The following BCL11B variants were observed in gnomAD, a reference collection of about 807,000 sequenced individuals.
BCL11B encodes BCL11 transcription factor B, also known as B-cell lymphoma/leukemia 11B.
A neutral mutation model predicts 49.9 loss-of-function variants in BCL11B; 8 were observed. The observed-to-expected ratio is 0.16, with a 90% CI of 0.09 to 0.29. BCL11B has a LOEUF of 0.29. BCL11B is among the 10% of genes least tolerant of loss of function. The pLI, the probability that BCL11B is intolerant of heterozygous loss-of-function variation, is 1.00. For missense variants in BCL11B, 1,006 were observed against 1,351.0 expected (o/e 0.74, Z 4.00); for synonymous variants, 739 against 637.4 (o/e 1.16, Z -2.40).
rs756236032 is a variant in BCL11B at position 99,175,394 on chromosome 14, G to A, written c.1442C>T (p.Ala481Val). The A allele has an allele frequency of 6.2e-7, 1 of 1,603,146 alleles. No individual in the cohort carries two copies. Among genetic ancestry groups the A allele is most frequent in the Admixed American group, 1.7e-5 (1 of 59,512 alleles). The part of the protein sequence containing the change: ...KRHMKTHMHK[A>V]GSLAGRSDDG... ...GTCGGAGCGGCCGGCCAGCGAGCCGGCCTTGTGCATGTGCGTCTTCATGTG... is the reference window on the plus strand; with the variant it reads ...GTCGGAGCGGCCGGCCAGCGAGCCGACCTTGTGCATGTGCGTCTTCATGTG... Residue 481 changes from alanine to valine, a missense_variant, in exon 4 of 4, where the codon GCC (alanine) becomes GTC (valine). By Grantham distance (64) the Ala-to-Val change is moderately conservative. This residue lies in a region of BCL11B where 443 missense variants were observed against 499.7 expected (regional missense o/e 0.89). Transcript: ENST00000357195.
intron 3 of BCL11B, among the ~76,000 whole-genome samples, chr14:99,218,855 G>A (rs138630160): frequency 2.0e-5 from 3 of 152,288 alleles, no homozygotes; most frequent in South Asian, 2.1e-4. Context: ...TGGTCTAGGT[G>A]GGTCCTGAAT....
chr14:99,202,029 G>A (rs1023390062), intron 3 of BCL11B, among the ~76,000 whole-genome samples: 3 of 152,192 alleles, frequency 2.0e-5, no homozygotes, highest in South Asian at 4.1e-4. Context: ...TGCCCAGGCT[G>A]GAGTACAGTG....
intron 2 of BCL11B, among the ~76,000 whole-genome samples, chr14:99,245,337 C>A (rs868763346): frequency 2.0e-5 from 3 of 152,228 alleles, no homozygotes; most frequent in East Asian, 1.9e-4. Flanking sequence ...GTGTCCCACT[C>A]CAGTGGAGGG....
chr14:99,223,497 C>T (rs745585255), intron 3 of BCL11B, among the ~76,000 whole-genome samples: 1 of 152,156 alleles, frequency 6.6e-6, no homozygotes, highest in Non-Finnish European at 1.5e-5. Flanking sequence ...GGGTCGGGAG[C>T]ATTTTCCAAG....
At chr14:99,181,751 G>A (rs1485304471) in intron 3 of BCL11B, among the ~76,000 whole-genome samples, 1 of 152,146 alleles carries the variant, frequency 6.6e-6, no homozygotes, top group Non-Finnish European at 1.5e-5. Context: ...GGTAGACACC[G>A]AAGTGGCCAA....
intron 2 of BCL11B, among the ~76,000 whole-genome samples, chr14:99,234,749 G>A (rs1444940801): frequency 1.3e-5 from 2 of 150,778 alleles, no homozygotes; most frequent in South Asian, 2.1e-4. Flanking sequence ...AGGCATCATC[G>A]CTGCCCAGCG....
chr14:99,263,570 T>C (rs982378831), intron 1 of BCL11B, among the ~76,000 whole-genome samples: 2 of 152,234 alleles, frequency 1.3e-5, no homozygotes, highest in Non-Finnish European at 2.9e-5. Flanking sequence ...GAAAGTCGAA[T>C]GTTTGGGGAG....
rs1425422939 is a variant in BCL11B at position 99,171,684 on chromosome 14, A to G, written c.*2467T>C. On this transcript the variant is annotated 3_prime_UTR_variant, in exon 4 of 4. Coordinates refer to ENST00000357195, the MANE Select transcript of BCL11B (RefSeq NM_138576.4). ...ACATACTTTTTCTACATGGTGTAGCAATCCCCTTTGAATCCCCAAATACAA... is the reference window on the plus strand; with the variant it reads ...ACATACTTTTTCTACATGGTGTAGCGATCCCCTTTGAATCCCCAAATACAA... 1 of 210,038 alleles carries G rather than the reference A, an allele frequency of 4.8e-6. No homozygotes were observed. The highest frequency in any genetic ancestry group is 9.7e-6 in the Non-Finnish European group (1 of 103,334). 13.0% of individuals were successfully genotyped at this position (210,038 alleles called of 1,614,324 possible).
chr14:99,219,498 T>C (rs1356475587), intron 3 of BCL11B, among the ~76,000 whole-genome samples: 1 of 152,086 alleles, frequency 6.6e-6, no homozygotes, highest in African/African-American at 2.4e-5. Context: ...TCCCTTGAGA[T>C]TCCCTGTCCC....
At position 99,195,230 on chromosome 14, in the gene BCL11B, C is replaced by T. The variant is rs1017541798; in HGVS notation, c.641-19035G>A. ...GAACTACCTGGCTTCCTGACCTGTA[C>T]TTTCAAGCCCCACTGTCAAATCCAC... On this transcript the variant is annotated intron_variant, in intron 3 of 3. Coordinates refer to ENST00000357195, the MANE Select transcript of BCL11B (RefSeq NM_138576.4). The surrounding 1 kb of genome is among the most constrained non-coding windows in gnomAD (Gnocchi z 4.7). 6.6e-6 allele frequency among the ~76,000 whole-genome samples: 1 copy of T among 152,172 alleles called. No homozygotes were observed. Among genetic ancestry groups the T allele is most frequent in the African/African-American group, 2.4e-5 (1 of 41,434 alleles).
At chr14:99,222,097 G>C (rs113161275) in intron 3 of BCL11B, among the ~76,000 whole-genome samples, 2 of 152,164 alleles carry the variant, frequency 1.3e-5, no homozygotes, top group African/African-American at 4.8e-5. Flanking sequence ...GACTATTTGG[G>C]TTTAATTGTA....
intron 3 of BCL11B, among the ~76,000 whole-genome samples, chr14:99,210,995 C>A (rs1887671497): frequency 6.6e-6 from 1 of 152,210 alleles, no homozygotes; most frequent in African/African-American, 2.4e-5. Context: ...TAGACACCTT[C>A]CCCTCTACCA....
In BCL11B at chr14:99,248,673, C is replaced by G. The variant is rs1888916536; in HGVS notation, c.427+8798G>C. 6.6e-6 allele frequency among the ~76,000 whole-genome samples: 1 copy of G among 152,196 alleles called. No individual in the cohort carries two copies. The highest frequency in any genetic ancestry group is 2.1e-4 in the South Asian group (1 of 4,828). On this transcript the variant is annotated intron_variant, in intron 2 of 3. Coordinates refer to ENST00000357195, the MANE Select transcript of BCL11B (RefSeq NM_138576.4). The surrounding 1 kb of genome is among the most constrained non-coding windows in gnomAD (Gnocchi z 4.7). ...TCAATCTAACAGTTTTCATTTTCACCACCAGTTTCTTCAGAGAAAACTGAC... is the reference window on the plus strand; with the variant it reads ...TCAATCTAACAGTTTTCATTTTCACGACCAGTTTCTTCAGAGAAAACTGAC...
At chr14:99,229,825 G>A (rs962940538) in intron 3 of BCL11B, among the ~76,000 whole-genome samples, 2 of 151,954 alleles carry the variant, frequency 1.3e-5, no homozygotes, top group African/African-American at 4.8e-5. Flanking sequence ...AGGAAGCCAC[G>A]AGAGCAAGGC....
At chr14:99,216,243 T>G (rs190803732) in intron 3 of BCL11B, among the ~76,000 whole-genome samples, 1 of 152,162 alleles carries the variant, frequency 6.6e-6, no homozygotes. Flanking sequence ...CCTCGCAGAA[T>G]TGGGGTGAGG....
intron 2 of BCL11B, among the ~76,000 whole-genome samples, chr14:99,256,585 C>G (rs1156236826): frequency 1.3e-5 from 2 of 152,158 alleles, no homozygotes; most frequent in South Asian, 4.1e-4. Flanking sequence ...AAGTATAAAC[C>G]AGAAACAAAC....
At position 99,229,119 on chromosome 14, in the gene BCL11B, AATGGATGGATGG is replaced by A. The variant is rs5810933; in HGVS notation, c.640+2214_640+2225del. 1.3e-3 allele frequency among the ~76,000 whole-genome samples: 175 copies of A among 138,026 alleles called. 3 individuals carry two copies. The highest frequency in any genetic ancestry group is 1.9e-3 in the Admixed American group (26 of 13,390). 90.6% of individuals were successfully genotyped at this position (138,026 alleles called of 152,430 possible). The stretch of plus-strand genomic sequence containing the variant: ...GGATGGATGGATGGATACAGGGATG[AATGGATGGATGG>A]ATGGATGGATGGATGGATGGATGGA... On this transcript the variant is annotated intron_variant, in intron 3 of 3. Coordinates refer to ENST00000357195, the MANE Select transcript of BCL11B (RefSeq NM_138576.4).
At position 99,175,624 on chromosome 14, in the gene BCL11B, C is replaced by T; in HGVS notation, c.1212G>A (p.Leu404=). The T allele has an allele frequency of 1.3e-6, 2 of 1,560,866 alleles. No homozygotes were observed. Among genetic ancestry groups the T allele is most frequent in the South Asian group, 1.2e-5 (1 of 85,442 alleles). ...GCATGGGCGGCAGCGGCGGCGTGCT[C>T]AGGAACGGGGACTTGGGGCTGGGCT... is the stretch of plus-strand genomic sequence containing the variant. The part of the protein sequence containing the change: ...PFQPSPKSPF[L]STPPLPPMPP... Residue 404 remains leucine, a synonymous_variant, in exon 4 of 4, where the codon CTG becomes CTA. Transcript: ENST00000357195.
chr14:99,175,599 G>A lies in BCL11B; in HGVS notation c.1237C>T (p.Pro413Ser). The A allele has an allele frequency of 1.9e-6, 3 of 1,572,280 alleles. No individual in the cohort carries two copies. Among genetic ancestry groups the A allele is most frequent in the Non-Finnish European group, 2.6e-6 (3 of 1,164,242 alleles). ...TGCGGGGGCGGCGTGCCGCCAGGGG[G>A]CATGGGCGGCAGCGGCGGCGTGCTC... ...FLSTPPLPPM[P>S]PGGTPPPQPP... The change falls in exon 4 of 4, where the codon CCC becomes TCC. Residue 413 changes from proline (P) to serine (S), a missense_variant. By Grantham distance (74) the Pro-to-Ser change is moderately conservative (BLOSUM62 -1). Coordinates refer to ENST00000357195, the MANE Select transcript of BCL11B (RefSeq NM_138576.4).
Sources: gnomAD v4.1 joint callset for allele counts (sites outside exome capture counted in the v4.1 genomes callset) on GRCh38, gnomAD v4.1.1 for gene constraint, gnomAD v4.1.1 regional missense constraint, Gnocchi (gnomAD v3.1) non-coding constraint, MANE v1.5 for transcripts, NCBI Gene and HGNC (gene_info 2026-07-23, HGNC 2026-07-21) for gene names.